Variants in DYM observed in about 807,000 individuals in gnomAD.
DYM encodes the protein dyggve-Melchior-Clausen syndrome protein.
A neutral mutation model predicts 93.1 loss-of-function variants in DYM; 78 were observed. The ratio of observed to expected loss-of-function variants is 0.84; its 90% CI spans 0.70 to 1.01. DYM has a LOEUF of 1.01. Among genes scored for constraint, DYM ranks in the 50% least tolerant of loss-of-function variants. The pLI, the probability that DYM is intolerant of heterozygous loss-of-function variation, is 0.00. For synonymous variants in DYM, 321 were observed against 319.7 expected, an observed-to-expected ratio of 1.00 and a Z score of -0.04; for missense variants, 789 against 845.0, an observed-to-expected ratio of 0.93 and a Z score of 0.82.
intron 13 of DYM, among the ~76,000 whole-genome samples, chr18:49,227,489 T>C (rs2093573114): frequency 6.6e-6 from 1 of 152,130 alleles, no homozygotes. Context: ...AATTATGCCA[T>C]TAAGTCATTA....
At chr18:49,153,866 T>C (rs577711282) in intron 15 of DYM, among the ~76,000 whole-genome samples, 12 of 152,300 alleles carry the variant, frequency 7.9e-5, no homozygotes, top group Non-Finnish European at 1.0e-4. Context: ...AAACAGGATA[T>C]TGGCATAGTC....
At chr18:49,150,103 G>T (rs901515489) in intron 15 of DYM, among the ~76,000 whole-genome samples, 3 of 152,094 alleles carry the variant, frequency 2.0e-5, no homozygotes, top group African/African-American at 7.2e-5. Flanking sequence ...ATTCATAATG[G>T]GTATGGGAAA....
chr18:49,375,759 AGTCAGTG>A (rs2067450580), intron 5 of DYM: 2 of 152,168 alleles, frequency 1.3e-5, no homozygotes, highest in African/African-American at 4.8e-5. Context: ...TCAACGTTTG[AGTCAGTG>A]GACTGGGAGA....
chr18:49,212,934 C>A (rs542529885), intron 13 of DYM, among the ~76,000 whole-genome samples: 59 of 152,202 alleles, frequency 3.9e-4, no homozygotes, highest in African/African-American at 1.4e-3. Context: ...CTTGGGACAT[C>A]AGAAAAACAA....
intron 1 of DYM, among the ~76,000 whole-genome samples, chr18:49,446,188 C>T (rs940480416): frequency 6.6e-6 from 1 of 151,050 alleles, no homozygotes; most frequent in African/African-American, 2.4e-5. Flanking sequence ...TTGGGAGGCC[C>T]AGGCAGGAGG....
At position 49,190,803 on chromosome 18, in the gene DYM, G is replaced by A. The variant is rs143808492; in HGVS notation, c.1625+18748C>T. ...CTCCCCCTACTCGTCCTCCCTCCTCGGCCTATTCAGTGTGAAGACAGGGAA... is the reference window on the plus strand; with the variant it reads ...CTCCCCCTACTCGTCCTCCCTCCTCAGCCTATTCAGTGTGAAGACAGGGAA... On this transcript the variant is annotated intron_variant, in intron 14 of 17. Coordinates refer to ENST00000675505, the MANE Select transcript of DYM (RefSeq NM_001353214.3). 1.8e-3 allele frequency among the ~76,000 whole-genome samples: 275 copies of A among 151,994 alleles called. 1 individual carries two copies. The highest frequency in any genetic ancestry group is 2.9e-3 in the Non-Finnish European group (196 of 67,966).
chr18:49,274,033 A>G (rs1002100809), intron 10 of DYM, among the ~76,000 whole-genome samples: 1 of 152,080 alleles, frequency 6.6e-6, no homozygotes, highest in East Asian at 1.9e-4. Context: ...AGACCATACA[A>G]TCCATTCAAA....
chr18:49,163,926 C>T, intron 14 of DYM, 139 bp from the exon 15 acceptor site: 2 of 643,136 alleles, frequency 3.1e-6, no homozygotes, highest in Non-Finnish European at 5.5e-6. Context: ...CCTGTGTTAA[C>T]AGCAAGATTA....
At chr18:49,336,780 A>G (rs1311727272) in intron 6 of DYM, among the ~76,000 whole-genome samples, 5 of 152,200 alleles carry the variant, frequency 3.3e-5, no homozygotes, top group Non-Finnish European at 7.4e-5. Flanking sequence ...TCAAATAATA[A>G]TCACTCCAAA....
intron 11 of DYM, among the ~76,000 whole-genome samples, chr18:49,269,098 A>G (rs1041002241): frequency 6.6e-6 from 1 of 152,156 alleles, no homozygotes; most frequent in African/African-American, 2.4e-5. Flanking sequence ...AACTCACACA[A>G]CTCAATAACA....
intron 14 of DYM, among the ~76,000 whole-genome samples, chr18:49,194,715 A>C (rs2091287379): frequency 6.6e-6 from 1 of 152,148 alleles, no homozygotes; most frequent in South Asian, 2.1e-4. Flanking sequence ...GTCTTCAATA[A>C]ATCTTAACAA....
At chr18:49,102,464 G>C (rs916808598) in intron 16 of DYM, among the ~76,000 whole-genome samples, 2 of 152,014 alleles carry the variant, frequency 1.3e-5, no homozygotes, top group African/African-American at 4.8e-5. Flanking sequence ...CGTGCACAAT[G>C]TGCAGGTTAG....
chr18:49,264,579 T>A (rs1227830360), intron 11 of DYM, among the ~76,000 whole-genome samples: 1 of 152,240 alleles, frequency 6.6e-6, no homozygotes, highest in Non-Finnish European at 1.5e-5. Context: ...TTAATTGGCA[T>A]GATCCTGATG....
At chr18:49,074,472 G>A (rs752588664) in intron 17 of DYM, among the ~76,000 whole-genome samples, 3 of 152,110 alleles carry the variant, frequency 2.0e-5, no homozygotes, top group Admixed American at 6.6e-5. Flanking sequence ...AATCTCCCAT[G>A]GATACAGAGA....
intron 6 of DYM, among the ~76,000 whole-genome samples, chr18:49,360,479 G>A (rs1273926393): frequency 4.6e-5 from 7 of 151,902 alleles, no homozygotes; most frequent in Non-Finnish European, 7.4e-5. Context: ...AAAATTAGCC[G>A]GGTGTGGTGG....
intron 2 of DYM, among the ~76,000 whole-genome samples, chr18:49,424,962 T>C (rs1282893755): frequency 3.9e-5 from 6 of 152,110 alleles, no homozygotes; most frequent in Admixed American, 2.6e-4. Context: ...AAAATGGCCA[T>C]ACTGCCCAAG....
intron 8 of DYM, among the ~76,000 whole-genome samples, chr18:49,304,172 A>AT (rs1427710496): frequency 2.0e-5 from 3 of 152,248 alleles, no homozygotes; most frequent in Non-Finnish European, 4.4e-5. Context: ...CAATACAGAG[A>AT]TGCATGGACT....
intron 13 of DYM, among the ~76,000 whole-genome samples, chr18:49,214,223 G>C (rs1490924827): frequency 6.6e-6 from 1 of 152,190 alleles, no homozygotes; most frequent in Non-Finnish European, 1.5e-5. Flanking sequence ...AGTTGAATGA[G>C]CAAAGCTTCA....
Position 49,080,800 on chromosome 18 carries a change from C to T in DYM, c.2025+16602G>A, listed in dbSNP as rs1316380081. ...CTTCTCAGACGGGGCGGATGCCGGG[C>T]GGAGGGTCTCCTCACTTCTCAGACG... On this transcript the variant is annotated intron_variant, in intron 17 of 17. Coordinates refer to ENST00000675505, the MANE Select transcript of DYM (RefSeq NM_001353214.3). 9.4e-5 allele frequency among the ~76,000 whole-genome samples: 14 copies of T among 148,230 alleles called. No individual in the cohort carries two copies. The East Asian group carries it at 1.5e-3, about 15-fold the overall frequency.
Sources: allele counts gnomAD v4.1 joint callset (sites outside exome capture counted in the v4.1 genomes callset), GRCh38; gene constraint gnomAD v4.1.1; transcripts MANE v1.5; gene names NCBI Gene and HGNC (gene_info 2026-07-23, HGNC 2026-07-21).